Variants in CNTNAP2 observed in about 807,000 individuals in gnomAD.
The protein encoded by CNTNAP2 is contactin associated protein 2.
Under a neutral mutation model 155.2 loss-of-function variants are expected in CNTNAP2, and 98 were observed. The ratio of observed to expected loss-of-function variants is 0.63; its 90% CI spans 0.54 to 0.75. The LOEUF (loss-of-function observed/expected upper bound fraction) is 0.75, where lower values mean the gene tolerates loss of function less well. Among genes scored for constraint, CNTNAP2 ranks in the 30% least tolerant of loss-of-function variants. The pLI is 0.00. For synonymous variants in CNTNAP2, 651 were observed against 631.2 expected (o/e 1.03, Z -0.47); for missense variants, 1,727 against 1,688.1 (o/e 1.02, Z -0.40).
At chr7:148,095,244 A>T (rs1364977139) in intron 15 of CNTNAP2, among the ~76,000 whole-genome samples, 1 of 152,116 alleles carries the variant, frequency 6.6e-6, no homozygotes, top group Non-Finnish European at 1.5e-5. Context: ...ATCAATGCTG[A>T]TGAGCCTGCG....
intron 1 of CNTNAP2, among the ~76,000 whole-genome samples, chr7:146,651,076 A>G (rs1799903499): frequency 6.6e-6 from 1 of 152,062 alleles, no homozygotes; most frequent in Admixed American, 6.6e-5. Context: ...ATCACACTCT[A>G]ATACATAACT....
chr7:146,332,025 A>T (rs150518212), intron 1 of CNTNAP2, among the ~76,000 whole-genome samples: 1 of 152,100 alleles, frequency 6.6e-6, no homozygotes, highest in Non-Finnish European at 1.5e-5. Context: ...ATATATATGT[A>T]TGTGTATTTA....
At chr7:146,800,844 G>A (rs985828636) in intron 2 of CNTNAP2, among the ~76,000 whole-genome samples, 10 of 152,012 alleles carry the variant, frequency 6.6e-5, no homozygotes, top group African/African-American at 2.4e-4. Flanking sequence ...ACCCTGCTCT[G>A]ATTCTTACAG....
At chr7:148,252,327 CT>C (rs1374391294) in intron 20 of CNTNAP2, among the ~76,000 whole-genome samples, 1 of 152,182 alleles carries the variant, frequency 6.6e-6, no homozygotes, top group Non-Finnish European at 1.5e-5. Context: ...TACACATGAA[CT>C]AATTCGTCAG....
At chr7:146,444,988 A>C (rs10275248) in intron 1 of CNTNAP2, among the ~76,000 whole-genome samples, 60,001 of 151,756 alleles carry the variant, frequency 0.4, 13,450 homozygotes, top group African/African-American at 0.61. Flanking sequence ...CATGGATTCT[A>C]AGTGTGTTCA....
intron 2 of CNTNAP2, among the ~76,000 whole-genome samples, chr7:146,816,507 T>C (rs774046220): frequency 3.3e-5 from 5 of 152,156 alleles, no homozygotes; most frequent in Non-Finnish European, 7.4e-5. Context: ...TAAGAGAAAC[T>C]AATGGGCACA....
At chr7:148,229,816 C>T (rs775792709) in intron 20 of CNTNAP2, 37 bp downstream of exon 20, 30 of 1,610,810 alleles carry the variant, frequency 1.9e-5, no homozygotes, top group South Asian at 5.5e-5. Flanking sequence ...CATATAATAT[C>T]GCATTATAGT....
At chr7:146,670,653 T>G (rs529830944) in intron 1 of CNTNAP2, among the ~76,000 whole-genome samples, 24 of 152,250 alleles carry the variant, frequency 1.6e-4, no homozygotes, top group Non-Finnish European at 2.6e-4. Flanking sequence ...CGTCTCAACT[T>G]AACAGGATAT....
chr7:148,374,870 C>T (rs906668042), intron 21 of CNTNAP2, among the ~76,000 whole-genome samples: 1 of 152,206 alleles, frequency 6.6e-6, no homozygotes, highest in African/African-American at 2.4e-5. Flanking sequence ...CAAATCAGAC[C>T]TGATTTCCCA....
chr7:147,314,523 T>C (rs1358498580), intron 9 of CNTNAP2, among the ~76,000 whole-genome samples: 4 of 151,194 alleles, frequency 2.6e-5, no homozygotes. Flanking sequence ...ACCTTCTCTG[T>C]TTTTAGACAC....
chr7:146,920,023 A>C (rs1193263267), intron 3 of CNTNAP2, among the ~76,000 whole-genome samples: 1 of 152,226 alleles, frequency 6.6e-6, no homozygotes, highest in Non-Finnish European at 1.5e-5. Flanking sequence ...AATACATAAT[A>C]ATAAGATTTA....
Position 147,631,370 on chromosome 7 carries a change from G to A in CNTNAP2, c.1898-7736G>A, listed in dbSNP as rs1795081912. Among the ~76,000 whole-genome samples the A allele has an allele frequency of 2.0e-5, 3 of 152,146 alleles. No homozygotes were observed. In the South Asian group the frequency reaches 6.2e-4, roughly 31 times the overall value. On this transcript the variant is annotated intron_variant, in intron 12 of 23. Transcript: ENST00000361727. ...AATGGAAACACAACCCAATGCTCAT[G>A]GATGGGTAGAATCAATACTGTGAAA...
At chr7:146,343,373 A>T (rs1794764049) in intron 1 of CNTNAP2, among the ~76,000 whole-genome samples, 1 of 152,108 alleles carries the variant, frequency 6.6e-6, no homozygotes. Context: ...GTGTAAAGAA[A>T]ACAGTCATCA....
chr7:147,537,650 G>A (rs1799568806), intron 11 of CNTNAP2, among the ~76,000 whole-genome samples: 1 of 151,978 alleles, frequency 6.6e-6, no homozygotes. Context: ...TTAATTACAG[G>A]GTGATAATCT....
At chr7:147,445,731 T>C (rs995527415) in intron 10 of CNTNAP2, among the ~76,000 whole-genome samples, 1 of 152,202 alleles carries the variant, frequency 6.6e-6, no homozygotes, top group African/African-American at 2.4e-5. Context: ...CCAAAATAAC[T>C]GAGAAGCTGC....
chr7:147,306,366 C>T (rs555157447), intron 9 of CNTNAP2, among the ~76,000 whole-genome samples: 65 of 152,074 alleles, frequency 4.3e-4, no homozygotes, highest in Non-Finnish European at 7.8e-4. Flanking sequence ...CAAAAAGTAT[C>T]GTGCATAGTG....
chr7:146,980,698 G>T (rs1797998996), intron 3 of CNTNAP2, among the ~76,000 whole-genome samples: 1 of 152,080 alleles, frequency 6.6e-6, no homozygotes, highest in Non-Finnish European at 1.5e-5. Flanking sequence ...GAAACAACCA[G>T]ATCTAGCATG....
At chr7:147,541,579 A>G (rs1799640985) in intron 11 of CNTNAP2, among the ~76,000 whole-genome samples, 1 of 152,194 alleles carries the variant, frequency 6.6e-6, no homozygotes, top group African/African-American at 2.4e-5. Context: ...TGTCAGATAA[A>G]TGAGATCTCA....
At position 147,794,058 on chromosome 7, in the gene CNTNAP2, A is replaced by G. The variant is rs1204141791; in HGVS notation, c.2099-109507A>G. On this transcript the variant is annotated intron_variant, in intron 13 of 23. Coordinates refer to ENST00000361727, the MANE Select transcript of CNTNAP2 (RefSeq NM_014141.6). Reference sequence around the variant, plus strand: ...TTTTAGTTATAATAGTTTTTAGTGGATTCCTTATGATGTTTTATATACAAG... The same window carrying G: ...TTTTAGTTATAATAGTTTTTAGTGGGTTCCTTATGATGTTTTATATACAAG... 1.3e-5 allele frequency among the ~76,000 whole-genome samples: 2 copies of G among 151,806 alleles called. 1 individual carries two copies. Among genetic ancestry groups the G allele is most frequent in the East Asian group, 3.9e-4 (2 of 5,186 alleles).
Sources: allele counts gnomAD v4.1 joint callset (sites outside exome capture counted in the v4.1 genomes callset), GRCh38; gene constraint gnomAD v4.1.1; transcripts MANE v1.5; gene names NCBI Gene and HGNC (gene_info 2026-07-23, HGNC 2026-07-21).